Variants in FMN1 observed in about 807,000 individuals in gnomAD.
FMN1 encodes formin-1.
In FMN1, 110 loss-of-function variants were observed where a neutral mutation model predicts 132.4. That is an observed-to-expected ratio of 0.83 (90% CI 0.71 to 0.97). The LOEUF is 0.97. FMN1 is among the 50% of genes least tolerant of loss of function. FMN1 has a pLI of 0.00. For synonymous variants in FMN1, 722 were observed against 651.7 expected, an observed-to-expected ratio of 1.11 and a Z score of -1.64; for missense variants, 1,792 against 1,705.3, an observed-to-expected ratio of 1.05 and a Z score of -0.90.
At chr15:32,926,095 T>C (rs2060952865) in intron 10 of FMN1, 79 bp downstream of exon 10, 5 of 775,490 alleles carry the variant, frequency 6.4e-6, no homozygotes, top group South Asian at 1.7e-5. Context: ...TCTAACTTTG[T>C]ATGTGTTTGA....
chr15:33,033,452 T>C (rs1274460038), intron 6 of FMN1, among the ~76,000 whole-genome samples: 1 of 152,102 alleles, frequency 6.6e-6, no homozygotes, highest in Non-Finnish European at 1.5e-5. Flanking sequence ...GTTGTCCACT[T>C]TCCTATCAAA....
chr15:33,165,568 T>G (rs936620217), intron 3 of FMN1, among the ~76,000 whole-genome samples: 12 of 152,148 alleles, frequency 7.9e-5, no homozygotes, highest in Non-Finnish European at 1.5e-4. Flanking sequence ...TTTTTTTGTA[T>G]TTTTAGTAGA....
chr15:32,859,367 A>G lies in FMN1; in HGVS notation c.3836-2260T>C, dbSNP rs538873902. The stretch of plus-strand genomic sequence containing the variant: ...ATGGCATATTTCAGCTCTATTTCCC[A>G]CATGTATTTGACTAACCAAACCAAA... On this transcript the variant is annotated intron_variant, in intron 16 of 20. Transcript: ENST00000616417. Among the ~76,000 whole-genome samples the G allele has an allele frequency of 9.8e-5, 15 of 152,326 alleles. No homozygotes were observed. In the South Asian group the frequency reaches 2.9e-3, roughly 29 times the overall value.
chr15:32,942,771 C>G (rs1387061349), intron 9 of FMN1, among the ~76,000 whole-genome samples: 1 of 152,196 alleles, frequency 6.6e-6, no homozygotes, highest in Non-Finnish European at 1.5e-5. Flanking sequence ...ATCCTAGAGC[C>G]TGGCAAATAA....
intron 4 of FMN1, among the ~76,000 whole-genome samples, chr15:33,093,754 CA>C (rs1183869666): frequency 6.6e-6 from 1 of 152,060 alleles, no homozygotes; most frequent in Non-Finnish European, 1.5e-5. Flanking sequence ...AGGCTGATGG[CA>C]AATCAAAAAG....
chr15:33,011,440 A>T (rs956392590), intron 6 of FMN1, among the ~76,000 whole-genome samples: 1 of 152,070 alleles, frequency 6.6e-6, no homozygotes, highest in Non-Finnish European at 1.5e-5. Flanking sequence ...AAACTGTAAA[A>T]AGCAAAATTG....
intron 17 of FMN1, among the ~76,000 whole-genome samples, chr15:32,850,691 A>C (rs2058988105): frequency 6.6e-6 from 1 of 152,246 alleles, no homozygotes; most frequent in African/African-American, 2.4e-5. Flanking sequence ...ACACAGTCCC[A>C]GCTGTCATGG....
intron 4 of FMN1, among the ~76,000 whole-genome samples, chr15:33,128,958 A>C (rs898815049): frequency 6.6e-6 from 1 of 152,184 alleles, no homozygotes; most frequent in African/African-American, 2.4e-5. Context: ...GGTCCATTTT[A>C]CAGAGTGCTG....
chr15:32,908,794 G>A (rs1056949107), intron 11 of FMN1, among the ~76,000 whole-genome samples: 15 of 152,138 alleles, frequency 9.9e-5, no homozygotes, highest in African/African-American at 3.6e-4. Flanking sequence ...AAGCCCACTG[G>A]GTGATTCTGA....
chr15:33,078,696 G>A (rs924294021), intron 5 of FMN1, among the ~76,000 whole-genome samples: 8 of 150,440 alleles, frequency 5.3e-5, no homozygotes, highest in Admixed American at 2.6e-4. Context: ...TGTTAACATA[G>A]GAGTGTTCAC....
chr15:33,110,008 A>T (rs2039637485), intron 4 of FMN1, among the ~76,000 whole-genome samples: 1 of 152,074 alleles, frequency 6.6e-6, no homozygotes, highest in African/African-American at 2.4e-5. Context: ...TTGAATACAT[A>T]AATGGGTAAG....
At chr15:32,841,240 G>C (rs1276965483) in intron 17 of FMN1, among the ~76,000 whole-genome samples, 3 of 152,134 alleles carry the variant, frequency 2.0e-5, no homozygotes, top group African/African-American at 7.2e-5. Flanking sequence ...GAGAAATATA[G>C]AGAGACAAAA....
chr15:32,962,054 T>C (rs1028420688), intron 9 of FMN1, among the ~76,000 whole-genome samples: 1 of 152,132 alleles, frequency 6.6e-6, no homozygotes, highest in East Asian at 1.9e-4. Flanking sequence ...ACTATGTGAT[T>C]GACAGGGTTT....
intron 17 of FMN1, among the ~76,000 whole-genome samples, chr15:32,856,104 C>T (rs990335163): frequency 3.4e-4 from 52 of 152,174 alleles, no homozygotes; most frequent in African/African-American, 1.2e-3. Flanking sequence ...GAGAATTTCC[C>T]TGCTGATTCT....
intron 6 of FMN1, among the ~76,000 whole-genome samples, chr15:33,057,764 A>G (rs2037284881): frequency 6.6e-6 from 1 of 152,032 alleles, no homozygotes; most frequent in African/African-American, 2.4e-5. Context: ...TCTTGGGGGG[A>G]AAAGTGCTTC....
At chr15:32,932,003 A>C (rs1048240948) in intron 9 of FMN1, among the ~76,000 whole-genome samples, 4 of 152,184 alleles carry the variant, frequency 2.6e-5, no homozygotes, top group African/African-American at 9.7e-5. Flanking sequence ...CTTTTAATGT[A>C]ATATATCATA....
At position 33,140,747 on chromosome 15, in the gene FMN1, G is replaced by T. The variant is rs192590116; in HGVS notation, c.1867+12301C>A. Among the ~76,000 whole-genome samples the T allele has an allele frequency of 2.3e-3, 343 of 152,318 alleles. 13 individuals are homozygous for T. The South Asian group carries it at 0.046, about 21-fold the overall frequency. On this transcript the variant is annotated intron_variant, in intron 4 of 20. Coordinates refer to ENST00000616417, the MANE Select transcript of FMN1 (RefSeq NM_001277313.2). The stretch of plus-strand genomic sequence containing the variant: ...ATGTGTGCTAGGTCTTGACAGATGA[G>T]AAGTTTATCGTGGAAACAGCATGTG...
intron 19 of FMN1, among the ~76,000 whole-genome samples, chr15:32,798,240 GT>G (rs1209680028): frequency 1.3e-5 from 2 of 151,050 alleles, no homozygotes; most frequent in Non-Finnish European, 2.9e-5. Flanking sequence ...CAGAGTTGAG[GT>G]TTTTCTTCTA....
At chr15:32,865,906 C>G (rs1251513588) in intron 16 of FMN1, among the ~76,000 whole-genome samples, 1 of 151,180 alleles carries the variant, frequency 6.6e-6, no homozygotes, top group Non-Finnish European at 1.5e-5. Context: ...AATAGAAATA[C>G]AAGTAAAGCA....
Sources: gnomAD v4.1 joint callset for allele counts (sites outside exome capture counted in the v4.1 genomes callset) on GRCh38, gnomAD v4.1.1 for gene constraint, MANE v1.5 for transcripts, NCBI Gene and HGNC (gene_info 2026-07-23, HGNC 2026-07-21) for gene names.